The following KCNK2 variants were observed in gnomAD, a reference collection of about 807,000 sequenced individuals.
KCNK2 encodes potassium channel subfamily K member 2.
Under a neutral mutation model 40.5 loss-of-function variants are expected in KCNK2, and 21 were observed. The observed-to-expected ratio is 0.52, with a 90% CI of 0.37 to 0.75. The LOEUF is 0.75. Among genes scored for constraint, KCNK2 ranks in the 30% least tolerant of loss-of-function variants. The probability of loss-of-function intolerance (pLI) is 0.00; values close to 1 mark genes in which losing one functional copy is unlikely to be tolerated. For missense variants in KCNK2, 399 were observed against 531.6 expected (o/e 0.75, Z 2.45); for synonymous variants, 191 against 202.2 (o/e 0.94, Z 0.47).
At chr1:215,171,123 T>C (rs1162327378) in intron 4 of KCNK2, among the ~76,000 whole-genome samples, 2 of 152,192 alleles carry the variant, frequency 1.3e-5, no homozygotes, top group Admixed American at 1.3e-4. Flanking sequence ...TTGTGACCTA[T>C]ATTTTTTACA....
intron 5 of KCNK2, among the ~76,000 whole-genome samples, chr1:215,189,249 T>C (rs1388739524): frequency 2.0e-5 from 3 of 152,160 alleles, no homozygotes; most frequent in Non-Finnish European, 2.9e-5. Context: ...TGAATGGATA[T>C]ATAGAAGTAT....
chr1:215,053,898 C>T (rs1209906925), intron 1 of KCNK2, among the ~76,000 whole-genome samples: 2 of 152,262 alleles, frequency 1.3e-5, no homozygotes, highest in African/African-American at 4.8e-5. Flanking sequence ...GGCCGGGAGG[C>T]GGAGGTTGCA....
At chr1:215,039,754 T>C (rs1657502851) in intron 1 of KCNK2, among the ~76,000 whole-genome samples, 1 of 152,162 alleles carries the variant, frequency 6.6e-6, no homozygotes, top group South Asian at 2.1e-4. Flanking sequence ...AGTTCAGAAC[T>C]TGGATCTTTG....
chr1:215,081,120 C>A (rs72735331), upstream of KCNK2, among the ~76,000 whole-genome samples: 1,667 of 151,946 alleles, frequency 0.011, 14 homozygotes, highest in South Asian at 0.018. Flanking sequence ...TCATCCTGAG[C>A]CAATTCCTTA....
chr1:215,164,990 C>A (rs1663377459), intron 3 of KCNK2, among the ~76,000 whole-genome samples: 1 of 152,100 alleles, frequency 6.6e-6, no homozygotes, highest in South Asian at 2.1e-4. Flanking sequence ...TATTAGAGAA[C>A]CTTACTCTTA....
upstream of KCNK2, among the ~76,000 whole-genome samples, chr1:215,079,224 G>A (rs1162477814): frequency 6.6e-6 from 1 of 152,134 alleles, no homozygotes. Flanking sequence ...TTTCGATGGG[G>A]CTTATATATA....
intron 3 of KCNK2, among the ~76,000 whole-genome samples, chr1:215,148,158 C>A (rs1662518983): frequency 7.1e-6 from 1 of 140,106 alleles, no homozygotes; most frequent in Admixed American, 7.6e-5. Flanking sequence ...TGGCTCACTG[C>A]AGCCTCAACT....
chr1:215,223,931 C>T (rs1436693981), intron 6 of KCNK2, among the ~76,000 whole-genome samples: 1 of 151,672 alleles, frequency 6.6e-6, no homozygotes, highest in Non-Finnish European at 1.5e-5. Flanking sequence ...TATGGAAAGG[C>T]ATGGAAGTGC....
chr1:215,037,283 T>G (rs971706309), intron 1 of KCNK2, among the ~76,000 whole-genome samples: 1 of 151,944 alleles, frequency 6.6e-6, no homozygotes, highest in African/African-American at 2.4e-5. Context: ...TTCCAATGAT[T>G]GTATGATTTT....
chr1:215,046,514 T>G (rs551175805), intron 1 of KCNK2, among the ~76,000 whole-genome samples: 51 of 152,192 alleles, frequency 3.4e-4, no homozygotes, highest in African/African-American at 1.2e-3. Flanking sequence ...ACTTTCAACT[T>G]TGAAAGCTCA....
At chr1:215,195,504 T>C (rs939032102) in intron 6 of KCNK2, among the ~76,000 whole-genome samples, 2 of 152,064 alleles carry the variant, frequency 1.3e-5, no homozygotes, top group African/African-American at 4.8e-5. Flanking sequence ...TGGAAGGCTT[T>C]TTACCTTTAA....
intron 6 of KCNK2, among the ~76,000 whole-genome samples, chr1:215,205,230 T>C (rs7528475): frequency 6.6e-6 from 1 of 151,920 alleles, no homozygotes; most frequent in Non-Finnish European, 1.5e-5. Flanking sequence ...AGAATTCATA[T>C]GAGTGAATGG....
intron 1 of KCNK2, among the ~76,000 whole-genome samples, chr1:215,077,550 T>A (rs1011963845): frequency 4.6e-5 from 7 of 152,278 alleles, no homozygotes; most frequent in South Asian, 2.1e-4. Context: ...GGGATTTTTT[T>A]AAAATGCACT....
At chr1:215,111,268 A>C (rs1660672501) in intron 2 of KCNK2, among the ~76,000 whole-genome samples, 1 of 152,080 alleles carries the variant, frequency 6.6e-6, no homozygotes, top group Non-Finnish European at 1.5e-5. Flanking sequence ...GTTTGAATAG[A>C]AATGGTGAGA....
chr1:215,101,919 C>T (rs977136305), intron 2 of KCNK2, among the ~76,000 whole-genome samples: 3 of 151,862 alleles, frequency 2.0e-5, no homozygotes, highest in African/African-American at 7.3e-5. Flanking sequence ...AACTGTGTTA[C>T]CGGTTTGTGT....
intron 2 of KCNK2, among the ~76,000 whole-genome samples, chr1:215,096,612 G>T (rs1470265588): frequency 6.6e-6 from 1 of 151,962 alleles, no homozygotes; most frequent in Non-Finnish European, 1.5e-5. Context: ...AGGTAGGGTG[G>T]ATCATAGGGA....
At chr1:215,108,589 G>A (rs1660541406) in intron 2 of KCNK2, among the ~76,000 whole-genome samples, 1 of 152,016 alleles carries the variant, frequency 6.6e-6, no homozygotes, top group Non-Finnish European at 1.5e-5. Context: ...TCATTGCCAA[G>A]GCCAATGTTA....
At position 215,089,106 on chromosome 1, in the gene KCNK2, C is replaced by G. The variant is rs61818303; in HGVS notation, c.357+2428C>G. Among the ~76,000 whole-genome samples the G allele has an allele frequency of 1.0e-2, 1,521 of 152,212 alleles. 30 individuals carry two copies. Among genetic ancestry groups the G allele is most frequent in the South Asian group, 0.066 (319 of 4,824 alleles). On this transcript the variant is annotated intron_variant, in intron 2 of 6. Coordinates refer to ENST00000444842, the MANE Select transcript of KCNK2 (RefSeq NM_001017425.3). ...ATAATCATATATTAGAATTACACTT[C>G]CTTCATATGATTCTTATAAATTTCC... is the stretch of plus-strand genomic sequence containing the variant.
At position 215,127,658 on chromosome 1, in the gene KCNK2, A is replaced by G. The variant is rs867601045; in HGVS notation, c.475+2908A>G. On this transcript the variant is annotated intron_variant, in intron 3 of 6. Coordinates refer to ENST00000444842, the MANE Select transcript of KCNK2 (RefSeq NM_001017425.3). ...CTGCTGTGGTTTCCAGCTCAGTCAG[A>G]GCAAAAGCCATAGTCCCTTGCTGAT... Among the ~76,000 whole-genome samples the G allele has an allele frequency of 2.3e-4, 35 of 152,324 alleles. 1 individual carries two copies. The highest frequency in any genetic ancestry group is 1.5e-3 in the South Asian group (7 of 4,824).
Sources: allele counts gnomAD v4.1 joint callset (sites outside exome capture counted in the v4.1 genomes callset), GRCh38; gene constraint gnomAD v4.1.1; transcripts MANE v1.5; gene names NCBI Gene and HGNC (gene_info 2026-07-23, HGNC 2026-07-21).